ZNF652: variants seen among roughly 807,000 people sequenced by gnomAD.
ZNF652 encodes zinc finger protein 652.
ZNF652 carries 16 observed loss-of-function variants against 45.2 expected under a neutral mutation model. The ratio of observed to expected loss-of-function variants is 0.35; its 90% CI spans 0.24 to 0.54. The LOEUF (loss-of-function observed/expected upper bound fraction) is 0.54, where lower values mean the gene tolerates loss of function less well. ZNF652 is among the 20% of genes least tolerant of loss of function. The pLI is 0.91. For synonymous variants in ZNF652, 250 were observed against 260.6 expected (o/e 0.96, Z 0.39); for missense variants, 614 against 765.6 (o/e 0.80, Z 2.34).
chr17:49,352,274 C>T (rs1327986141), intron 1 of ZNF652, among the ~76,000 whole-genome samples: 3 of 151,452 alleles, frequency 2.0e-5, no homozygotes, highest in African/African-American at 2.4e-5. Context: ...ACAAATCTCT[C>T]GTCTTCTTGC....
At chr17:49,302,239 G>A (rs2069563049) in intron 5 of ZNF652, among the ~76,000 whole-genome samples, 2 of 151,438 alleles carry the variant, frequency 1.3e-5, no homozygotes, top group Admixed American at 6.6e-5. Flanking sequence ...GAACCACAGA[G>A]AGAGATGCTG....
intron 1 of ZNF652, among the ~76,000 whole-genome samples, chr17:49,348,036 A>G (rs1396331291): frequency 6.6e-6 from 1 of 151,908 alleles, no homozygotes. Context: ...GTGAGCCACC[A>G]CACCCTACCA....
At position 49,294,596 on chromosome 17, in the gene ZNF652, AG is replaced by A. The variant is rs1359785682; in HGVS notation, c.*3816del. ...AAAGCAGCAGCCTTTATTAAGGCTA[AG>A]GAAGAGTTTATATTTTACTGATAAA... is the stretch of plus-strand genomic sequence containing the variant. On this transcript the variant is annotated 3_prime_UTR_variant, in exon 6 of 6. Transcript: ENST00000430262. 4.6e-5 allele frequency: 7 copies of A among 152,248 alleles called. No homozygotes were observed. The highest frequency in any genetic ancestry group is 1.7e-4 in the African/African-American group (7 of 41,472). 9.4% of individuals were successfully genotyped at this position (152,248 alleles called of 1,614,324 possible). A position where few individuals can be genotyped will look rare whatever the true frequency, so the allele number is the denominator to read the frequency against.
chr17:49,326,490 C>A (rs2069957979), intron 1 of ZNF652, among the ~76,000 whole-genome samples: 1 of 151,990 alleles, frequency 6.6e-6, no homozygotes, highest in Non-Finnish European at 1.5e-5. Context: ...GTATATCCCC[C>A]ATTGTATATT....
intron 5 of ZNF652, among the ~76,000 whole-genome samples, chr17:49,300,241 C>T (rs2069533849): frequency 6.6e-6 from 1 of 152,102 alleles, no homozygotes; most frequent in South Asian, 2.1e-4. Flanking sequence ...ATTCCTGGTG[C>T]CAGCCTACTG....
chr17:49,316,789 A>G (rs1368614297), intron 2 of ZNF652, 37 bp downstream of exon 2: 4 of 1,571,976 alleles, frequency 2.5e-6, no homozygotes, highest in African/African-American at 1.4e-5. Flanking sequence ...GCCAGGTTCT[A>G]TCCTGAAAAG....
chr17:49,341,470 T>C (rs150952584), intron 1 of ZNF652, among the ~76,000 whole-genome samples: 3 of 114,894 alleles, frequency 2.6e-5, no homozygotes, highest in Admixed American at 1.2e-4. Context: ...CTAGGCAACA[T>C]AGTACGACCT....
At chr17:49,350,107 A>G (rs920187169) in intron 1 of ZNF652, among the ~76,000 whole-genome samples, 1 of 152,234 alleles carries the variant, frequency 6.6e-6, no homozygotes, top group Non-Finnish European at 1.5e-5. Flanking sequence ...ATAGTAATAT[A>G]CCAATGTCAG....
At chr17:49,325,598 T>G (rs902425707) in intron 1 of ZNF652, among the ~76,000 whole-genome samples, 1 of 151,240 alleles carries the variant, frequency 6.6e-6, no homozygotes, top group African/African-American at 2.4e-5. Context: ...GTTAGCAAAG[T>G]GCAATAAAAC....
At chr17:49,311,486 T>G in intron 4 of ZNF652, 30 bp from the exon 5 acceptor site, 1 of 1,604,878 alleles carries the variant, frequency 6.2e-7, no homozygotes, top group South Asian at 1.1e-5. Context: ...GATTTTTGAA[T>G]GCCAAGCATA....
chr17:49,338,063 C>T (rs998555387), intron 1 of ZNF652, among the ~76,000 whole-genome samples: 1 of 152,082 alleles, frequency 6.6e-6, no homozygotes, highest in Non-Finnish European at 1.5e-5. Flanking sequence ...TCATGACTCA[C>T]TTCAGCCTCG....
chr17:49,345,790 G>A (rs1472589386), intron 1 of ZNF652, among the ~76,000 whole-genome samples: 2 of 148,872 alleles, frequency 1.3e-5, no homozygotes, highest in Non-Finnish European at 3.0e-5. Flanking sequence ...GCAGTGAGCC[G>A]AGATAGTGCC....
chr17:49,308,988 A>C (rs2069670465), intron 5 of ZNF652, among the ~76,000 whole-genome samples: 1 of 152,166 alleles, frequency 6.6e-6, no homozygotes, highest in Non-Finnish European at 1.5e-5. Flanking sequence ...GTCTAAAAAA[A>C]TGACAAAGAA....
intron 5 of ZNF652, among the ~76,000 whole-genome samples, chr17:49,306,522 A>G (rs1298723745): frequency 4.6e-5 from 7 of 152,138 alleles, no homozygotes; most frequent in African/African-American, 1.7e-4. Flanking sequence ...CTTGAACTCA[A>G]GTGATCCTCT....
chr17:49,344,357 CCT>C lies in ZNF652; in HGVS notation c.-259+17550_-259+17551del, dbSNP rs567075371. Among the ~76,000 whole-genome samples the C allele has an allele frequency of 3.0e-3, 456 of 151,388 alleles. 1 individual carries two copies. Among genetic ancestry groups the C allele is most frequent in the Admixed American group, 4.3e-3 (65 of 15,210 alleles). The stretch of plus-strand genomic sequence containing the variant: ...TCTAGCCTGGGCAACAGAGTGAGAC[CCT>C]GTCTCAAAAAACAAGAAAAAAAAAT... On this transcript the variant is annotated intron_variant, in intron 1 of 5. Coordinates refer to ENST00000430262, the MANE Select transcript of ZNF652 (RefSeq NM_001145365.3).
At chr17:49,309,437 A>AGG (rs1161039000) in intron 5 of ZNF652, among the ~76,000 whole-genome samples, 3 of 147,640 alleles carry the variant, frequency 2.0e-5, no homozygotes, top group Non-Finnish European at 4.5e-5. Context: ...GAACCCCGGG[A>AGG]GGTGGAGGCT....
chr17:49,352,924 C>G (rs867538780), intron 1 of ZNF652, among the ~76,000 whole-genome samples: 2 of 152,022 alleles, frequency 1.3e-5, no homozygotes, highest in Non-Finnish European at 2.9e-5. Context: ...CTGCAAAAGA[C>G]GAAACTACAG....
intron 1 of ZNF652, among the ~76,000 whole-genome samples, chr17:49,327,775 ATATATTTTTTTTT>A (rs1404090441): frequency 3.3e-3 from 8 of 2,426 alleles, no homozygotes; most frequent in African/African-American, 0.011. Flanking sequence ...ATATATATAT[ATATATTTTTTTTT>A]TTTTTTTTTA....
Position 49,290,351 on chromosome 17 carries a change from G to A in ZNF652, c.*8062C>T, listed in dbSNP as rs114250581. 1.3e-5 allele frequency: 2 copies of A among 152,168 alleles called. No homozygotes were observed. Among genetic ancestry groups the A allele is most frequent in the African/African-American group, 2.4e-5 (1 of 41,386 alleles). 9.4% of individuals were successfully genotyped at this position (152,168 alleles called of 1,614,324 possible). A position where few individuals can be genotyped will look rare whatever the true frequency, so the allele number is the denominator to read the frequency against. ...TCATGGCCAGAGAGCTGATGACCAC[G>A]GATAGGAGCCCTTAGACAAGTAACT... is the stretch of plus-strand genomic sequence containing the variant. On this transcript the variant is annotated 3_prime_UTR_variant, in exon 6 of 6. Coordinates refer to ENST00000430262, the MANE Select transcript of ZNF652 (RefSeq NM_001145365.3).
Sources: gnomAD v4.1 joint callset for allele counts (sites outside exome capture counted in the v4.1 genomes callset) on GRCh38, gnomAD v4.1.1 for gene constraint, MANE v1.5 for transcripts, NCBI Gene and HGNC (gene_info 2026-07-23, HGNC 2026-07-21) for gene names.